Variants in KLHL32 observed in about 807,000 individuals in gnomAD.
KLHL32 encodes the protein kelch like family member 32, also known as kelch-like protein 32.
A neutral mutation model predicts 64.8 loss-of-function variants in KLHL32; 35 were observed. The observed-to-expected ratio is 0.54, with a 90% CI of 0.41 to 0.72. The LOEUF is 0.72. Ranked by LOEUF, KLHL32 falls within the 30% of genes least tolerant of loss-of-function variation. KLHL32 has a pLI of 0.00. For missense variants in KLHL32, 589 were observed against 768.5 expected (o/e 0.77, Z 2.76); for synonymous variants, 259 against 281.0 (o/e 0.92, Z 0.78).
At chr6:97,035,385 A>G (rs1299502194) in intron 3 of KLHL32, among the ~76,000 whole-genome samples, 2 of 152,090 alleles carry the variant, frequency 1.3e-5, no homozygotes, top group East Asian at 1.9e-4. Context: ...TTACAGTGTT[A>G]CATTATTATA....
chr6:96,942,755 TAG>T (rs1159597175), intron 1 of KLHL32, among the ~76,000 whole-genome samples: 2 of 150,346 alleles, frequency 1.3e-5, no homozygotes, highest in Non-Finnish European at 3.0e-5. Flanking sequence ...GGAGAAAGCA[TAG>T]AGAGATTGAA....
At chr6:97,029,318 G>GATCC (rs1162210631) in intron 3 of KLHL32, among the ~76,000 whole-genome samples, 2 of 152,082 alleles carry the variant, frequency 1.3e-5, no homozygotes, top group African/African-American at 4.8e-5. Context: ...AATGCAGCTA[G>GATCC]ATCCTTTAAA....
At chr6:96,950,914 A>G (rs887245234) in intron 1 of KLHL32, among the ~76,000 whole-genome samples, 19 of 152,150 alleles carry the variant, frequency 1.2e-4, no homozygotes, top group African/African-American at 4.1e-4. Context: ...AGAAAATGCA[A>G]TTTTGGGGGT....
intron 3 of KLHL32, among the ~76,000 whole-genome samples, chr6:97,040,588 C>T (rs149719002): frequency 7.6e-4 from 115 of 152,236 alleles, no homozygotes; most frequent in Middle Eastern, 3.4e-3. Flanking sequence ...TACTCAGACA[C>T]GTTCCCAGGT....
chr6:97,098,747 C>G lies in KLHL32; in HGVS notation c.627+13406C>G, dbSNP rs537683581. 2.6e-5 allele frequency among the ~76,000 whole-genome samples: 4 copies of G among 152,252 alleles called. No homozygotes were observed. In the South Asian group the frequency reaches 8.3e-4, roughly 32 times the overall value. ...GTGTATATATGGTCTCACAAGATTC[C>G]TCACTGCAGTACACCACAAATGATT... is the stretch of plus-strand genomic sequence containing the variant. On this transcript the variant is annotated intron_variant, in intron 6 of 10. Transcript: ENST00000369261.
chr6:97,075,414 C>A (rs1304783070), intron 5 of KLHL32, among the ~76,000 whole-genome samples: 2 of 151,972 alleles, frequency 1.3e-5, no homozygotes, highest in Non-Finnish European at 2.9e-5. Context: ...ATTATTTTAT[C>A]ATATTACAAG....
intron 1 of KLHL32, among the ~76,000 whole-genome samples, chr6:96,926,931 TCTCA>T (rs540579303): frequency 1.8e-3 from 276 of 152,334 alleles, no homozygotes; most frequent in African/African-American, 6.3e-3. Context: ...ATTACTGATG[TCTCA>T]CTCAATTATA....
intron 4 of KLHL32, among the ~76,000 whole-genome samples, chr6:97,045,701 G>A (rs1030045657): frequency 2.0e-5 from 3 of 152,148 alleles, no homozygotes; most frequent in Admixed American, 1.3e-4. Flanking sequence ...CTTCAGAATG[G>A]CTAAGTTGAT....
intron 3 of KLHL32, among the ~76,000 whole-genome samples, chr6:97,008,507 C>G (rs893688697): frequency 2.6e-5 from 4 of 151,718 alleles, no homozygotes; most frequent in African/African-American, 9.7e-5. Context: ...TGGCTGTGCT[C>G]CATTGCAGCC....
chr6:96,952,648 T>C (rs1403719760), intron 1 of KLHL32, among the ~76,000 whole-genome samples: 2 of 152,192 alleles, frequency 1.3e-5, no homozygotes, highest in East Asian at 1.9e-4. Flanking sequence ...AAGATTAGGA[T>C]TGTGAGAGGG....
chr6:96,932,423 C>T (rs1258527191), intron 1 of KLHL32, among the ~76,000 whole-genome samples: 1 of 152,036 alleles, frequency 6.6e-6, no homozygotes, highest in Non-Finnish European at 1.5e-5. Flanking sequence ...GAAACTCATG[C>T]ACAGCCCTTA....
chr6:97,004,206 A>T (rs1348692629), intron 3 of KLHL32, among the ~76,000 whole-genome samples: 2 of 152,010 alleles, frequency 1.3e-5, no homozygotes, highest in Non-Finnish European at 2.9e-5. Flanking sequence ...CTGGTTGGTT[A>T]TATTCCAGGT....
intron 3 of KLHL32, among the ~76,000 whole-genome samples, chr6:97,012,735 A>G (rs1780574056): frequency 6.6e-6 from 1 of 152,188 alleles, no homozygotes; most frequent in Non-Finnish European, 1.5e-5. Flanking sequence ...TGAGAAACGT[A>G]ATTCAGTCAT....
chr6:97,097,986 T>C (rs1795214695), intron 6 of KLHL32, among the ~76,000 whole-genome samples: 1 of 152,202 alleles, frequency 6.6e-6, no homozygotes, highest in African/African-American at 2.4e-5. Context: ...AGCATCTTAC[T>C]CCTTTTACCC....
chr6:97,129,419 T>C (rs1799207119), intron 8 of KLHL32, among the ~76,000 whole-genome samples: 1 of 152,210 alleles, frequency 6.6e-6, no homozygotes, highest in Non-Finnish European at 1.5e-5. Context: ...TTTCTTTACT[T>C]ATCTGTCCAT....
At chr6:97,062,335 C>T (rs1481637879) in intron 4 of KLHL32, 1 of 152,224 alleles carries the variant, frequency 6.6e-6, no homozygotes, top group Non-Finnish European at 1.5e-5. Context: ...CTCCTTAGGC[C>T]ATGCCTCTTC....
Position 97,064,678 on chromosome 6 carries a change from C to T in KLHL32, c.363C>T (p.His121=). The T allele has an allele frequency of 1.2e-6, 2 of 1,614,128 alleles. No individual in the cohort carries two copies. Among genetic ancestry groups the T allele is most frequent in the South Asian group, 2.2e-5 (2 of 91,064 alleles). ...VIQDVLAAGS[H]LQLLELLNLC... The stretch of plus-strand genomic sequence containing the variant: ...AGGATGTGCTAGCAGCGGGCAGTCA[C>T]CTACAGCTGTTGGAGCTTCTCAATT... The change falls in exon 5 of 11, where the codon CAC becomes CAT. Residue 121 remains histidine, a synonymous_variant. Coordinates refer to ENST00000369261, the MANE Select transcript of KLHL32 (RefSeq NM_052904.4).
At chr6:97,091,838 T>G (rs1203931955) in intron 6 of KLHL32, among the ~76,000 whole-genome samples, 1 of 152,192 alleles carries the variant, frequency 6.6e-6, no homozygotes, top group Admixed American at 6.5e-5. Context: ...AAACATTTAA[T>G]CAAAAAATTC....
chr6:96,973,997 C>T (rs1775423035), intron 2 of KLHL32, among the ~76,000 whole-genome samples: 1 of 152,114 alleles, frequency 6.6e-6, no homozygotes, highest in African/African-American at 2.4e-5. Flanking sequence ...ACTGGGATTA[C>T]AGGCATGAGC....
Sources: gnomAD v4.1 joint callset for allele counts (sites outside exome capture counted in the v4.1 genomes callset) on GRCh38, gnomAD v4.1.1 for gene constraint, MANE v1.5 for transcripts, NCBI Gene and HGNC (gene_info 2026-07-23, HGNC 2026-07-21) for gene names.